Variants in ABCC1 observed in about 807,000 individuals in gnomAD.
ABCC1 encodes ATP binding cassette subfamily C member 1 (ABCC1 blood group), also known as multidrug resistance-associated protein 1.
Under a neutral mutation model 172.9 loss-of-function variants are expected in ABCC1, and 83 were observed. The ratio of observed to expected loss-of-function variants is 0.48; its 90% CI spans 0.40 to 0.58. The LOEUF is 0.58. Ranked by LOEUF, ABCC1 falls within the 20% of genes least tolerant of loss-of-function variation. The pLI, the probability that ABCC1 is intolerant of heterozygous loss-of-function variation, is 0.00. For synonymous variants in ABCC1, 937 were observed against 825.2 expected (o/e 1.14, Z -2.32); for missense variants, 1,817 against 2,002.7 (o/e 0.91, Z 1.77).
intron 5 of ABCC1, 119 bp downstream of exon 5, chr16:16,016,740 GA>G: frequency 1.4e-6 from 2 of 1,410,016 alleles, no homozygotes; most frequent in Non-Finnish European, 1.9e-6. Context: ...CTCAACCCCT[GA>G]TACAGGGAAT....
chr16:16,116,776 T>C (rs2044893804), intron 23 of ABCC1, among the ~76,000 whole-genome samples: 2 of 152,110 alleles, frequency 1.3e-5, no homozygotes, highest in African/African-American at 4.8e-5. Flanking sequence ...GCCAGGCTAG[T>C]CTCAAACTCC....
chr16:15,976,819 A>T (rs1015817831), intron 1 of ABCC1, among the ~76,000 whole-genome samples: 1 of 152,172 alleles, frequency 6.6e-6, no homozygotes, highest in African/African-American at 2.4e-5. Flanking sequence ...GATGGGTGTT[A>T]TTCTTTTAAT....
chr16:16,028,691 C>T (rs957241759), intron 5 of ABCC1, among the ~76,000 whole-genome samples: 20 of 152,110 alleles, frequency 1.3e-4, no homozygotes, highest in Admixed American at 9.8e-4. Flanking sequence ...TTCCGCTTTA[C>T]GACACAGTCC....
At position 16,048,351 on chromosome 16, in the gene ABCC1, C is replaced by A. The variant is rs749376408; in HGVS notation, c.1380+48C>A. On this transcript the variant is annotated intron_variant, in intron 10 of 30. Coordinates refer to ENST00000399410, the MANE Select transcript of ABCC1 (RefSeq NM_004996.4). ...CTTTGCATGCAGGGAGGGACTTCTA[C>A]GTGTGGGCAGTGGGCCGAGGGAGTG... The A allele has an allele frequency of 4.3e-5, 69 of 1,604,836 alleles. No individual in the cohort carries two copies. In the Admixed American group the frequency reaches 7.0e-4, roughly 16 times the overall value.
chr16:15,955,988 C>G (rs1053987997), intron 1 of ABCC1, among the ~76,000 whole-genome samples: 2 of 152,156 alleles, frequency 1.3e-5, no homozygotes, highest in African/African-American at 4.8e-5. Context: ...TGGCTTACAC[C>G]TGTAATCTCA....
chr16:16,108,435 T>A (rs2052236953), intron 21 of ABCC1, among the ~76,000 whole-genome samples: 1 of 140,910 alleles, frequency 7.1e-6, no homozygotes, highest in Non-Finnish European at 1.6e-5. Flanking sequence ...CATGCCTAGC[T>A]AATTTTTGTA....
intron 2 of ABCC1, 125 bp from the exon 3 acceptor site, chr16:16,009,651 A>C: frequency 9.6e-7 from 1 of 1,040,942 alleles, no homozygotes; most frequent in Non-Finnish European, 1.4e-6. Context: ...GCCATGTCCT[A>C]GGACTGTGGC....
At chr16:16,043,356 T>C (rs246223) in intron 7 of ABCC1, among the ~76,000 whole-genome samples, 60,623 of 150,926 alleles carry the variant, frequency 0.4, 13,886 homozygotes, top group African/African-American at 0.64. Flanking sequence ...TGGAGTGCAA[T>C]GGTGTGGTCT....
intron 7 of ABCC1, among the ~76,000 whole-genome samples, chr16:16,042,077 T>C (rs1234113720): frequency 6.6e-6 from 1 of 152,112 alleles, no homozygotes; most frequent in Non-Finnish European, 1.5e-5. Context: ...TATGTTCTCT[T>C]TTGTGTATGG....
At chr16:16,054,037 C>T (rs963372089) in intron 11 of ABCC1, among the ~76,000 whole-genome samples, 7 of 151,410 alleles carry the variant, frequency 4.6e-5, no homozygotes, top group African/African-American at 9.7e-5. Context: ...TGCAGTCGTA[C>T]GATCTTGGCT....
chr16:16,111,901 C>T (rs2052403975), intron 22 of ABCC1, among the ~76,000 whole-genome samples: 1 of 152,198 alleles, frequency 6.6e-6, no homozygotes. Flanking sequence ...TGCTTTGTCA[C>T]AGTGACAGAG....
intron 14 of ABCC1, chr16:16,076,078 G>T: frequency 2.0e-6 from 1 of 512,720 alleles, no homozygotes; most frequent in Non-Finnish European, 3.4e-6. Context: ...TCCAGATGGC[G>T]CAACCCCATC....
intron 5 of ABCC1, among the ~76,000 whole-genome samples, chr16:16,029,978 C>T (rs756208775): frequency 6.6e-6 from 1 of 152,200 alleles, no homozygotes; most frequent in Non-Finnish European, 1.5e-5. Flanking sequence ...TATGTTTTAG[C>T]TGGGATTTTT....
At chr16:16,129,093 G>A (rs2045566244) in intron 26 of ABCC1, among the ~76,000 whole-genome samples, 1 of 152,138 alleles carries the variant, frequency 6.6e-6, no homozygotes, top group Admixed American at 6.6e-5. Flanking sequence ...ATTAGCATTC[G>A]GGTGAATTTC....
In ABCC1 at chr16:16,014,420, C is replaced by G. The variant is rs2047910770; in HGVS notation, c.352-71C>G. 24 of 1,557,156 alleles carry G rather than the reference C, an allele frequency of 1.5e-5. 1 individual carries two copies. The Middle Eastern group carries it at 6.1e-4, about 40-fold the overall frequency. On this transcript the variant is annotated intron_variant, in intron 3 of 30. Coordinates refer to ENST00000399410, the MANE Select transcript of ABCC1 (RefSeq NM_004996.4). ...TGAGATTGCACCACTGCGCTCCAGC[C>G]TGGGTGACAAGAGTGAAACTCTGTC... is the stretch of plus-strand genomic sequence containing the variant.
intron 14 of ABCC1, among the ~76,000 whole-genome samples, chr16:16,072,364 T>C (rs967750104): frequency 6.6e-6 from 1 of 152,002 alleles, no homozygotes. Context: ...TTGGTATGTT[T>C]TGTAGAGACA....
At chr16:16,131,145 C>G (rs975444724) in intron 26 of ABCC1, among the ~76,000 whole-genome samples, 2 of 152,050 alleles carry the variant, frequency 1.3e-5, no homozygotes, top group African/African-American at 4.8e-5. Flanking sequence ...AATGTCTATA[C>G]AAATCAGTTG....
Position 16,037,112 on chromosome 16 carries a change from A to G in ABCC1, c.809+509A>G, listed in dbSNP as rs79909354. 2.6e-3 allele frequency among the ~76,000 whole-genome samples: 389 copies of G among 152,212 alleles called. 1 individual carries two copies. The highest frequency in any genetic ancestry group is 9.0e-3 in the African/African-American group (374 of 41,542). ...GTGAGACTCCGTCTCAAAAAAAAAA[A>G]AAGAAGAAAAATGTTGTCCAAACAG... is the stretch of plus-strand genomic sequence containing the variant. On this transcript the variant is annotated intron_variant, in intron 7 of 30. Coordinates refer to ENST00000399410, the MANE Select transcript of ABCC1 (RefSeq NM_004996.4).
At chr16:15,956,681 G>A (rs2046005174) in intron 1 of ABCC1, among the ~76,000 whole-genome samples, 1 of 152,112 alleles carries the variant, frequency 6.6e-6, no homozygotes, top group South Asian at 2.1e-4. Flanking sequence ...TTTTTACAGT[G>A]AAGCAAGGTA....
Sources: gnomAD v4.1 joint callset for allele counts (sites outside exome capture counted in the v4.1 genomes callset) on GRCh38, gnomAD v4.1.1 for gene constraint, MANE v1.5 for transcripts, NCBI Gene and HGNC (gene_info 2026-07-23, HGNC 2026-07-21) for gene names.